The following DSCAM variants were observed in gnomAD, a reference collection of about 807,000 sequenced individuals.
DSCAM encodes the protein DS cell adhesion molecule.
In DSCAM, 47 loss-of-function variants were observed where a neutral mutation model predicts 217.7. The ratio of observed to expected loss-of-function variants is 0.22; its 90% CI spans 0.17 to 0.28. DSCAM has a LOEUF of 0.28. Among genes scored for constraint, DSCAM ranks in the 10% least tolerant of loss-of-function variants. The pLI, the probability that DSCAM is intolerant of heterozygous loss-of-function variation, is 1.00. For missense variants in DSCAM, 2,080 were observed against 2,618.3 expected, an observed-to-expected ratio of 0.79 and a Z score of 4.49; for synonymous variants, 1,056 against 1,015.3, an observed-to-expected ratio of 1.04 and a Z score of -0.76.
At chr21:40,039,108 G>C (rs561160328) in intron 32 of DSCAM, among the ~76,000 whole-genome samples, 8 of 152,090 alleles carry the variant, frequency 5.3e-5, no homozygotes, top group Non-Finnish European at 7.4e-5. Context: ...AATGGCACAT[G>C]TATACATATG....
intron 1 of DSCAM, among the ~76,000 whole-genome samples, chr21:40,761,697 TAGAG>T (rs1466657625): frequency 6.6e-6 from 1 of 152,158 alleles, no homozygotes. Flanking sequence ...CGATCCCAAT[TAGAG>T]AGTGCCCTGG....
chr21:40,511,266 T>C (rs1043398260), intron 3 of DSCAM, among the ~76,000 whole-genome samples: 1 of 152,146 alleles, frequency 6.6e-6, no homozygotes, highest in Non-Finnish European at 1.5e-5. Context: ...AATAGGAATT[T>C]TGCCACAGCC....
Position 40,515,289 on chromosome 21 carries a change from C to T in DSCAM, c.509-146044G>A, listed in dbSNP as rs574487725. 4.1e-4 allele frequency among the ~76,000 whole-genome samples: 62 copies of T among 152,206 alleles called. 1 individual carries two copies. Among genetic ancestry groups the T allele is most frequent in the African/African-American group, 1.3e-3 (54 of 41,548 alleles). On this transcript the variant is annotated intron_variant, in intron 3 of 32. Transcript: ENST00000400454. ...TATTGTTTTGAAAAAAATATATAAA[C>T]GAAGGAACAGTTATACGAATAGTAC...
chr21:40,247,064 G>T (rs1348570618), intron 11 of DSCAM, among the ~76,000 whole-genome samples: 1 of 152,156 alleles, frequency 6.6e-6, no homozygotes, highest in Non-Finnish European at 1.5e-5. Flanking sequence ...AAACCCATCA[G>T]ATATTGTGAG....
At chr21:40,444,298 C>T (rs1261128041) in intron 3 of DSCAM, among the ~76,000 whole-genome samples, 1 of 152,088 alleles carries the variant, frequency 6.6e-6, no homozygotes, top group Non-Finnish European at 1.5e-5. Context: ...CAGCCAAGGT[C>T]GTGATAGCAG....
intron 30 of DSCAM, among the ~76,000 whole-genome samples, chr21:40,046,522 G>A (rs1442369027): frequency 2.0e-5 from 3 of 152,174 alleles, no homozygotes; most frequent in African/African-American, 7.2e-5. Context: ...TGCTAGGAAA[G>A]AGGCCCTCAA....
At chr21:40,329,160 G>A (rs186383284) in intron 8 of DSCAM, among the ~76,000 whole-genome samples, 33 of 152,266 alleles carry the variant, frequency 2.2e-4, no homozygotes, top group African/African-American at 6.5e-4. Context: ...TCCCATTACT[G>A]GGTATACATG....
At chr21:40,600,201 C>A (rs1476227687) in intron 3 of DSCAM, among the ~76,000 whole-genome samples, 1 of 152,188 alleles carries the variant, frequency 6.6e-6, no homozygotes, top group Non-Finnish European at 1.5e-5. Context: ...TCTTAGCTAG[C>A]TTGGGTTGCT....
intron 3 of DSCAM, among the ~76,000 whole-genome samples, chr21:40,538,955 G>A (rs1393109638): frequency 1.3e-5 from 2 of 152,154 alleles, no homozygotes; most frequent in Admixed American, 6.5e-5. Flanking sequence ...AAATCAACTC[G>A]TAAAATGAAG....
At chr21:40,039,407 TATTA>T (rs761258550) in intron 32 of DSCAM, among the ~76,000 whole-genome samples, 58 of 152,176 alleles carry the variant, frequency 3.8e-4, no homozygotes, top group Non-Finnish European at 7.6e-4. Flanking sequence ...CTATAATTTC[TATTA>T]ATTGAAATAT....
chr21:40,245,006 G>C (rs2073203977), intron 11 of DSCAM, among the ~76,000 whole-genome samples: 1 of 152,156 alleles, frequency 6.6e-6, no homozygotes. Context: ...GAGGGAGGGA[G>C]GGAGGGATGC....
intron 19 of DSCAM, among the ~76,000 whole-genome samples, chr21:40,125,509 T>G (rs1182090314): frequency 1.3e-5 from 2 of 152,230 alleles, no homozygotes; most frequent in Non-Finnish European, 2.9e-5. Flanking sequence ...TTGATGGCAA[T>G]GCAACTGCTC....
chr21:40,127,473 G>A (rs1304749909), intron 19 of DSCAM, among the ~76,000 whole-genome samples: 1 of 152,176 alleles, frequency 6.6e-6, no homozygotes, highest in African/African-American at 2.4e-5. Flanking sequence ...GAATTCCTGG[G>A]CATCATAGAG....
chr21:40,781,563 T>C (rs944483884), intron 1 of DSCAM, among the ~76,000 whole-genome samples: 2 of 152,156 alleles, frequency 1.3e-5, no homozygotes, highest in Non-Finnish European at 2.9e-5. Flanking sequence ...CCTTTTTTTA[T>C]ATGCAGGTTA....
At chr21:40,364,876 G>A (rs1417707726) in intron 4 of DSCAM, among the ~76,000 whole-genome samples, 1 of 149,166 alleles carries the variant, frequency 6.7e-6, no homozygotes, top group Non-Finnish European at 1.5e-5. Flanking sequence ...AATTATTTCA[G>A]TTGTATAAAT....
chr21:40,354,721 C>T lies in DSCAM; in HGVS notation c.656-978G>A, dbSNP rs867097016. ...AAAATTAGCTGGGTGTGGTGGCGGG[C>T]GCCTGTAGTCCCAGCTACTCGGGAG... On this transcript the variant is annotated intron_variant, in intron 4 of 32. Coordinates refer to ENST00000400454, the MANE Select transcript of DSCAM (RefSeq NM_001389.5). 4.0e-4 allele frequency among the ~76,000 whole-genome samples: 60 copies of T among 151,632 alleles called. 1 individual carries two copies. Among genetic ancestry groups the T allele is most frequent in the African/African-American group, 1.4e-3 (57 of 41,370 alleles).
At chr21:40,835,006 A>T (rs1569060633) in intron 1 of DSCAM, among the ~76,000 whole-genome samples, 1 of 152,184 alleles carries the variant, frequency 6.6e-6, no homozygotes, top group South Asian at 2.1e-4. Flanking sequence ...GGACCTAACA[A>T]TATTCACTCT....
At chr21:40,421,085 A>G (rs2075419199) in intron 3 of DSCAM, among the ~76,000 whole-genome samples, 2 of 152,172 alleles carry the variant, frequency 1.3e-5, no homozygotes, top group Non-Finnish European at 2.9e-5. Context: ...CTTCTCACCT[A>G]TATTTACCAT....
intron 3 of DSCAM, among the ~76,000 whole-genome samples, chr21:40,627,313 T>C (rs1465112880): frequency 6.6e-6 from 1 of 152,220 alleles, no homozygotes; most frequent in Non-Finnish European, 1.5e-5. Flanking sequence ...TTAAAAATTA[T>C]GTAGCATTAG....
Sources: allele counts gnomAD v4.1 joint callset (sites outside exome capture counted in the v4.1 genomes callset), GRCh38; gene constraint gnomAD v4.1.1; transcripts MANE v1.5; gene names NCBI Gene and HGNC (gene_info 2026-07-23, HGNC 2026-07-21).